The following PRRC2A variants were observed in gnomAD, a reference collection of about 807,000 sequenced individuals.
The protein encoded by PRRC2A is protein PRRC2A.
Under a neutral mutation model 224.6 loss-of-function variants are expected in PRRC2A, and 59 were observed. The observed-to-expected ratio is 0.26, with a 90% CI of 0.21 to 0.33. PRRC2A has a LOEUF of 0.33. PRRC2A is among the 10% of genes least tolerant of loss of function. The probability of loss-of-function intolerance (pLI) is 1.00; values close to 1 mark genes in which losing one functional copy is unlikely to be tolerated. For missense variants in PRRC2A, 3,095 were observed against 2,880.7 expected, an observed-to-expected ratio of 1.07 and a Z score of -1.70; for synonymous variants, 1,194 against 1,109.5, an observed-to-expected ratio of 1.08 and a Z score of -1.51.
chr6:31,634,548 TG>T lies in PRRC2A; in HGVS notation c.4928del (p.Gly1643AlafsTer4). 6.2e-7 allele frequency: 1 copy of T among 1,611,898 alleles called. No individual in the cohort carries two copies. Among genetic ancestry groups the T allele is most frequent in the Non-Finnish European group, 8.5e-7 (1 of 1,179,540 alleles). ...CCCTGAGTCCTTTTGAGGATGTGGC[TG>T]GCACAGAAGTGAGTGAGGGTGGGAG... ...EPLSPFEDVA[G>X]TEMSQSDSGV... On this transcript the variant is annotated frameshift_variant, in exon 20 of 31. Coordinates refer to ENST00000376033, the MANE Select transcript of PRRC2A (RefSeq NM_004638.4). LOFTEE classifies it high-confidence loss of function.
At position 31,630,599 on chromosome 6, in the gene PRRC2A, C is replaced by G; in HGVS notation, c.2263C>G (p.Pro755Ala). ...TTCTTTGGTTTCTTCAGGCCTAGTTCCCCGAGAGCGTTCAGACAGTGGGGG... is the reference window on the plus strand; with the variant it reads ...TTCTTTGGTTTCTTCAGGCCTAGTTGCCCGAGAGCGTTCAGACAGTGGGGG... ...PPGVHPSGLVPRERSDSGGSS... is the reference protein window; with the variant it reads ...PPGVHPSGLVARERSDSGGSS... The change falls in exon 15 of 31, where the codon CCC becomes GCC. Residue 755 changes from proline (P) to alanine (A), a missense_variant. Pro to Ala is a conservative substitution (Grantham distance 27). Around this residue, in one of 8 missense-constraint regions of PRRC2A, gnomAD observed 2,001 missense variants for 1,764.9 expected, o/e 1.13. Coordinates refer to ENST00000376033, the MANE Select transcript of PRRC2A (RefSeq NM_004638.4). The G allele has an allele frequency of 6.2e-7, 1 of 1,614,144 alleles. No individual in the cohort carries two copies. The highest frequency in any genetic ancestry group is 8.5e-7 in the Non-Finnish European group (1 of 1,180,024).
At position 31,627,366 on chromosome 6, in the gene PRRC2A, G is replaced by T; in HGVS notation, c.1290+168G>T. Reference sequence around the variant, plus strand: ...GCTTTTAAATATCTTTGGTAATAGGGGAGTCTGGGTAAGAAGTGAGAAACT... The same window carrying T: ...GCTTTTAAATATCTTTGGTAATAGGTGAGTCTGGGTAAGAAGTGAGAAACT... On this transcript the variant is annotated intron_variant, in intron 11 of 30. Coordinates refer to ENST00000376033, the MANE Select transcript of PRRC2A (RefSeq NM_004638.4). This position sits in a 1 kb window ranked among gnomAD's most constrained non-coding sequence, Gnocchi z 5.6. Among the ~76,000 whole-genome samples the T allele has an allele frequency of 6.6e-6, 1 of 152,182 alleles. No homozygotes were observed. The highest frequency in any genetic ancestry group is 1.9e-4 in the East Asian group (1 of 5,202).
Position 31,628,212 on chromosome 6 carries a change from A to G in PRRC2A, c.1738A>G (p.Ser580Gly), listed in dbSNP as rs771266633. 6.2e-7 allele frequency: 1 copy of G among 1,611,812 alleles called. No homozygotes were observed. The highest frequency in any genetic ancestry group is 1.3e-5 in the African/African-American group (1 of 74,930). ...VSGGGSTSST[S>G]SGSFEASPVE... is the part of the protein sequence containing the mutation. ...TGGTGGTGGCAGTACCAGTAGCACC[A>G]GCAGTGGCAGCTTCGAAGCCAGCCC... The change falls in exon 12 of 31, where the codon AGC becomes GGC. Residue 580 changes from serine (S) to glycine (G), a missense_variant. Around this residue, in one of 8 missense-constraint regions of PRRC2A, gnomAD observed 2,001 missense variants for 1,764.9 expected, o/e 1.13. Coordinates refer to ENST00000376033, the MANE Select transcript of PRRC2A (RefSeq NM_004638.4).
In PRRC2A at chr6:31,633,552, G is replaced by A; in HGVS notation, c.4493G>A (p.Arg1498Lys). 2 of 1,613,054 alleles carry A rather than the reference G, an allele frequency of 1.2e-6. No homozygotes were observed. The highest frequency in any genetic ancestry group is 1.7e-5 in the Admixed American group (1 of 60,030). Residue 1498 changes from arginine (R) to lysine (K), a missense_variant, in exon 17 of 31, where the codon AGG becomes AAG. Physicochemically the swap from Arg to Lys is conservative, Grantham distance 26. Transcript: ENST00000376033. ...GSVTAPGGHP[R>K]HKPGLPQAPQ... Reference sequence around the variant, plus strand: ...GTAACTGCACCAGGGGGTCATCCAAGGCACAAGCCTGGGCTTCCCCAAGCC... The same window carrying A: ...GTAACTGCACCAGGGGGTCATCCAAAGCACAAGCCTGGGCTTCCCCAAGCC...
chr6:31,625,115 T>A lies in PRRC2A; in HGVS notation c.464-56T>A, dbSNP rs758082756. 6.4e-7 allele frequency: 1 copy of A among 1,570,124 alleles called. No individual in the cohort carries two copies. The highest frequency in any genetic ancestry group is 1.2e-5 in the South Asian group (1 of 86,356). Reference sequence around the variant, plus strand: ...GCCCAGCCAGAGTCTTCCACTTTTATAGCATGTCCTCAGGAAATGTCTTCT... The same window carrying A: ...GCCCAGCCAGAGTCTTCCACTTTTAAAGCATGTCCTCAGGAAATGTCTTCT... On this transcript the variant is annotated intron_variant, in intron 5 of 30. Transcript: ENST00000376033. This position sits in a 1 kb window ranked among gnomAD's most constrained non-coding sequence, Gnocchi z 4.1.
In PRRC2A at chr6:31,627,734, C is replaced by T. The variant is rs776028808; in HGVS notation, c.1291-31C>T. ...GATAGAAAGCATAGTAACTGATTCC[C>T]CTGGCCCTGCTGGGTCTTGCCAATT... is the stretch of plus-strand genomic sequence containing the variant. On this transcript the variant is annotated intron_variant, in intron 11 of 30. Coordinates refer to ENST00000376033, the MANE Select transcript of PRRC2A (RefSeq NM_004638.4). This position sits in a 1 kb window ranked among gnomAD's most constrained non-coding sequence, Gnocchi z 5.6. 6.9e-6 allele frequency: 11 copies of T among 1,605,800 alleles called. No individual in the cohort carries two copies. In the East Asian group the frequency reaches 1.8e-4, roughly 26 times the overall value.
At position 31,631,497 on chromosome 6, in the gene PRRC2A, C is replaced by A; in HGVS notation, c.2824C>A (p.Pro942Thr). Residue 942 changes from proline (P) to threonine (T), a missense_variant, in exon 16 of 31, where the codon CCA (proline) becomes ACA (threonine). This residue lies in a region of PRRC2A where 2,001 missense variants were observed against 1,764.9 expected (regional missense o/e 1.13). Transcript: ENST00000376033. This position sits in a 1 kb window ranked among gnomAD's most constrained non-coding sequence, Gnocchi z 4.5. ...TCGTCGTGGAATCCCTCCAGAGGAG[C>A]CAGGGGCCCCACCCCGCCGGGCTGG... is the stretch of plus-strand genomic sequence containing the variant. ...SSRRGIPPEE[P>T]GAPPRRAGPI... The A allele has an allele frequency of 6.2e-7, 1 of 1,604,654 alleles. No individual in the cohort carries two copies. Among genetic ancestry groups the A allele is most frequent in the East Asian group, 2.2e-5 (1 of 44,710 alleles).
chr6:31,634,556 AAGTG>A lies in PRRC2A; in HGVS notation c.4935+6_4935+9del. On this transcript the variant is annotated splice_donor_variant and splice_donor_region_variant and coding_sequence_variant and intron_variant, in exon 20 of 31. Coordinates refer to ENST00000376033, the MANE Select transcript of PRRC2A (RefSeq NM_004638.4). LOFTEE classifies it high-confidence loss of function. ...CCTTTTGAGGATGTGGCTGGCACAGAAGTGAGTGAGGGTGGGAGGGTGTGTCTGA... is the reference window on the plus strand; with the variant it reads ...CCTTTTGAGGATGTGGCTGGCACAGAAGTGAGGGTGGGAGGGTGTGTCTGA... 6.2e-7 allele frequency: 1 copy of A among 1,611,134 alleles called. No individual in the cohort carries two copies. The highest frequency in any genetic ancestry group is 8.5e-7 in the Non-Finnish European group (1 of 1,179,192).
In PRRC2A at chr6:31,629,548, G is replaced by A. The variant is rs1489503853; in HGVS notation, c.1957G>A (p.Glu653Lys). Residue 653 changes from glutamate to lysine, a missense_variant and splice_region_variant, in exon 14 of 31, where the codon GAG becomes AAG. This residue lies in a region of PRRC2A where 2,001 missense variants were observed against 1,764.9 expected (regional missense o/e 1.13). Coordinates refer to ENST00000376033, the MANE Select transcript of PRRC2A (RefSeq NM_004638.4). ...CATCTTGTCTTTCCTCCTTTCCTAGGAGCAGCTCCTGAAGCAGCAGCAGCA... is the reference window on the plus strand; with the variant it reads ...CATCTTGTCTTTCCTCCTTTCCTAGAAGCAGCTCCTGAAGCAGCAGCAGCA... ...LPPRFQRQQQ[E>K]QLLKQQQQHQ... 2 of 1,533,986 alleles carry A rather than the reference G, an allele frequency of 1.3e-6. No individual in the cohort carries two copies. The highest frequency in any genetic ancestry group is 2.2e-5 in the South Asian group (2 of 89,578).
At position 31,625,357 on chromosome 6, in the gene PRRC2A, CAG is replaced by C. The variant is rs1561799477; in HGVS notation, c.607+46_607+47del. ...GGCCAAGACATTACCTATTGCATCT[CAG>C]AGCTAGGTGCTGGCTTATTCACCTT... is the stretch of plus-strand genomic sequence containing the variant. On this transcript the variant is annotated intron_variant, in intron 6 of 30. Transcript: ENST00000376033. This position sits in a 1 kb window ranked among gnomAD's most constrained non-coding sequence, Gnocchi z 4.1. The C allele has an allele frequency of 6.2e-7, 1 of 1,614,096 alleles. No individual in the cohort carries two copies. Among genetic ancestry groups the C allele is most frequent in the South Asian group, 1.1e-5 (1 of 91,088 alleles).
At chr6:31,628,368 A>T in intron 12 of PRRC2A, 129 bp downstream of exon 12, 4 of 1,390,738 alleles carry the variant, frequency 2.9e-6, no homozygotes, top group Non-Finnish European at 3.8e-6. Context: ...ACTATCAGTG[A>T]TAGTGTTCTA....
chr6:31,627,663 C>T lies in PRRC2A; in HGVS notation c.1291-102C>T, dbSNP rs1776064138. The T allele has an allele frequency of 2.1e-6, 3 of 1,417,340 alleles. No homozygotes were observed. The highest frequency in any genetic ancestry group is 2.5e-5 in the East Asian group (1 of 40,510). 87.8% of individuals were successfully genotyped at this position (1,417,340 alleles called of 1,614,324 possible). A position where few individuals can be genotyped will look rare whatever the true frequency, so the allele number is the denominator to read the frequency against. On this transcript the variant is annotated intron_variant, in intron 11 of 30. Transcript: ENST00000376033. The surrounding 1 kb of genome is among the most constrained non-coding windows in gnomAD (Gnocchi z 5.6). The stretch of plus-strand genomic sequence containing the variant: ...GAGAGATCAACCCCAAAGCCTGGGT[C>T]GTTGCATCCTGCAAGTAGCGACAGT...
At position 31,629,160 on chromosome 6, in the gene PRRC2A, C is replaced by T; in HGVS notation, c.1782C>T (p.Pro594=). ...FEASPVEPQL[P]SKEGPEPPEE... ...CCGATGCAGTGGAACCACAACTGCC[C>T]TCAAAAGAGGGTCCTGAACCACCAG... is the stretch of plus-strand genomic sequence containing the variant. The change falls in exon 13 of 31, where the codon CCC becomes CCT. Residue 594 remains proline, a synonymous_variant. Transcript: ENST00000376033. 6.2e-7 allele frequency: 1 copy of T among 1,614,024 alleles called. No homozygotes were observed. Among genetic ancestry groups the T allele is most frequent in the Non-Finnish European group, 8.5e-7 (1 of 1,180,000 alleles).
chr6:31,627,978 A>G lies in PRRC2A; in HGVS notation c.1504A>G (p.Lys502Glu). The G allele has an allele frequency of 6.2e-7, 1 of 1,612,980 alleles. No homozygotes were observed. The highest frequency in any genetic ancestry group is 1.1e-5 in the South Asian group (1 of 91,084). The change falls in exon 12 of 31, where the codon AAG (lysine) becomes GAG (glutamate). Residue 502 changes from lysine to glutamate, a missense_variant. By Grantham distance (56) the Lys-to-Glu change is moderately conservative. This residue lies in a region of PRRC2A where 2,001 missense variants were observed against 1,764.9 expected (regional missense o/e 1.13). Transcript: ENST00000376033. This position sits in a 1 kb window ranked among gnomAD's most constrained non-coding sequence, Gnocchi z 5.6. ...RLDEKFGAPD[K>E]RLKAEPAAPP... ...CGATGAAAAGTTTGGGGCACCTGAC[A>G]AGCGGCTCAAAGCAGAGCCTGCTGC... is the stretch of plus-strand genomic sequence containing the variant.
intron 16 of PRRC2A, 39 bp downstream of exon 16, chr6:31,633,031 TGGA>T (rs1278118875): frequency 1.4e-6 from 2 of 1,466,394 alleles, no homozygotes; most frequent in East Asian, 2.5e-5. Flanking sequence ...GTTTAAAAAT[TGGA>T]GGAGGGGGAA....
chr6:31,632,563 C>T lies in PRRC2A; in HGVS notation c.3890C>T (p.Pro1297Leu). The part of the protein sequence containing the change: ...EEALTTVTVA[P>L]APRRAAAKSP... ...GCCCTCACAACAGTCACAGTGGCCC[C>T]AGCACCTCGCCGGGCAGCTGCCAAG... Residue 1297 changes from proline (P) to leucine (L), a missense_variant, in exon 16 of 31, where the codon CCA becomes CTA. Coordinates refer to ENST00000376033, the MANE Select transcript of PRRC2A (RefSeq NM_004638.4). 1 of 1,612,330 alleles carries T rather than the reference C, an allele frequency of 6.2e-7. No homozygotes were observed. Among genetic ancestry groups the T allele is most frequent in the South Asian group, 1.1e-5 (1 of 91,000 alleles).
intron 14 of PRRC2A, 124 bp downstream of exon 14, chr6:31,629,969 T>C: frequency 6.8e-7 from 1 of 1,464,206 alleles, no homozygotes; most frequent in Non-Finnish European, 9.2e-7. Context: ...GGGAAGGGCA[T>C]ATGCTTGGCA....
At chr6:31,634,393 G>A (rs765694281) in intron 19 of PRRC2A, 28 bp downstream of exon 19, 103 of 1,612,212 alleles carry the variant, frequency 6.4e-5, no homozygotes, top group Non-Finnish European at 8.6e-5. Flanking sequence ...AAAGGACTAT[G>A]GTAGAAGGGT....
At chr6:31,629,953 T>G in intron 14 of PRRC2A, 108 bp downstream of exon 14, 1 of 1,516,710 alleles carries the variant, frequency 6.6e-7, no homozygotes. Context: ...CCCATCATAG[T>G]GATGAGGGAA....
Sources: gnomAD v4.1 joint callset for allele counts (sites outside exome capture counted in the v4.1 genomes callset) on GRCh38, gnomAD v4.1.1 for gene constraint, gnomAD v4.1.1 regional missense constraint, Gnocchi (gnomAD v3.1) non-coding constraint, MANE v1.5 for transcripts, NCBI Gene and HGNC (gene_info 2026-07-23, HGNC 2026-07-21) for gene names.